The following ABLIM2 variants were observed in gnomAD, a reference collection of about 807,000 sequenced individuals.
ABLIM2 encodes the protein actin-binding LIM protein 2.
A neutral mutation model predicts 97.7 loss-of-function variants in ABLIM2; 53 were observed. The observed-to-expected ratio is 0.54, with a 90% CI of 0.44 to 0.68. The LOEUF (loss-of-function observed/expected upper bound fraction) is 0.68. ABLIM2 is among the 30% of genes least tolerant of loss of function. The probability of loss-of-function intolerance (pLI) is 0.00; values close to 1 mark genes in which losing one functional copy is unlikely to be tolerated. For synonymous variants in ABLIM2, 361 were observed against 345.8 expected (o/e 1.04, Z -0.49); for missense variants, 835 against 867.2 (o/e 0.96, Z 0.47).
intron 1 of ABLIM2, among the ~76,000 whole-genome samples, chr4:8,144,184 G>C (rs1359136016): frequency 1.3e-5 from 2 of 152,242 alleles, no homozygotes; most frequent in African/African-American, 2.4e-5. Flanking sequence ...GCACCCAGCA[G>C]AGCCTCAGCG....
chr4:8,006,280 C>T (rs1224651860), intron 16 of ABLIM2, among the ~76,000 whole-genome samples: 2 of 152,238 alleles, frequency 1.3e-5, no homozygotes, highest in African/African-American at 2.4e-5. Context: ...CACAGCACCC[C>T]CCTCTCTTAG....
In ABLIM2 at chr4:8,080,901, C is replaced by T. The variant is rs558588804; in HGVS notation, c.455-99G>A. Reference sequence around the variant, plus strand: ...ACTCCGTGAAGGCCCCTGGGGCAGCCGGGAGGGGCGGGACAGACCAGCAGC... The same window carrying T: ...ACTCCGTGAAGGCCCCTGGGGCAGCTGGGAGGGGCGGGACAGACCAGCAGC... On this transcript the variant is annotated intron_variant, in intron 4 of 20. Transcript: ENST00000447017. 7.0e-4 allele frequency: 1,002 copies of T among 1,434,126 alleles called. 1 individual carries two copies. Among genetic ancestry groups the T allele is most frequent in the Admixed American group, 1.0e-3 (46 of 45,698 alleles). 88.8% of individuals were successfully genotyped at this position (1,434,126 alleles called of 1,614,324 possible).
chr4:8,039,884 T>TTTTTTG (rs1553989749), intron 9 of ABLIM2, among the ~76,000 whole-genome samples: 2 of 142,990 alleles, frequency 1.4e-5, no homozygotes, highest in Non-Finnish European at 3.0e-5. Context: ...GTTTTTTTTT[T>TTTTTTG]TTTTTTTTTT....
intron 7 of ABLIM2, among the ~76,000 whole-genome samples, chr4:8,055,824 G>A (rs1798730489): frequency 6.6e-6 from 1 of 152,116 alleles, no homozygotes; most frequent in African/African-American, 2.4e-5. Flanking sequence ...GACCATAAAA[G>A]TAATAGGGCT....
rs1004778502 is a variant in ABLIM2, at chr4:8,046,015, C to T, written c.823-774G>A. Among the ~76,000 whole-genome samples the T allele has an allele frequency of 2.6e-5, 4 of 152,180 alleles. No homozygotes were observed. Among genetic ancestry groups the T allele is most frequent in the African/African-American group, 9.7e-5 (4 of 41,442 alleles). ...TTCTCAGCTCAAAGAGCACCTGCTC[C>T]CACCTGACACACAACTTAGAAATGG... On this transcript the variant is annotated intron_variant, in intron 8 of 20. Transcript: ENST00000447017. The surrounding 1 kb of genome is among the most constrained non-coding windows in gnomAD (Gnocchi z 4.4).
chr4:8,062,917 C>T (rs553292522), intron 6 of ABLIM2, among the ~76,000 whole-genome samples: 48 of 152,212 alleles, frequency 3.2e-4, no homozygotes, highest in Non-Finnish European at 5.6e-4. Context: ...ATCCAGGTGC[C>T]CCCACTTCAC....
rs989497302 is a variant in ABLIM2, at chr4:8,069,678, CTGTG to C, written c.675+7946_675+7949del. Among the ~76,000 whole-genome samples, 2 of 151,872 alleles carry C rather than the reference CTGTG, an allele frequency of 1.3e-5. No homozygotes were observed. Among genetic ancestry groups the C allele is most frequent in the Admixed American group, 6.6e-5 (1 of 15,254 alleles). ...TGTCTGTGTGCATTTCTGTGTGTCT[CTGTG>C]TGTGTTTGTGTGTTGTCTGTGTGTT... On this transcript the variant is annotated intron_variant, in intron 6 of 20. Transcript: ENST00000447017. The surrounding 1 kb of genome is among the most constrained non-coding windows in gnomAD (Gnocchi z 4.2).
At chr4:8,038,076 G>A (rs1275828722) in intron 9 of ABLIM2, among the ~76,000 whole-genome samples, 1 of 152,162 alleles carries the variant, frequency 6.6e-6, no homozygotes, top group Non-Finnish European at 1.5e-5. Flanking sequence ...GCTGCTTCTC[G>A]ATTCTGCCTC....
chr4:8,129,663 C>T (rs1262527770), intron 1 of ABLIM2, among the ~76,000 whole-genome samples: 4 of 152,168 alleles, frequency 2.6e-5, no homozygotes, highest in Admixed American at 6.5e-5. Flanking sequence ...AGTATATGCA[C>T]AGATGAGTCC....
intron 20 of ABLIM2, among the ~76,000 whole-genome samples, chr4:7,973,284 G>A (rs1729774736): frequency 6.6e-6 from 1 of 151,912 alleles, no homozygotes; most frequent in Non-Finnish European, 1.5e-5. Context: ...GCTGAGACGG[G>A]TAGATCAGGA....
intron 1 of ABLIM2, among the ~76,000 whole-genome samples, chr4:8,117,120 A>T (rs2176436): frequency 0.26 from 40,113 of 152,122 alleles, 5,536 homozygotes; most frequent in Non-Finnish European, 0.31. Flanking sequence ...AAGAAGGGAA[A>T]TGCCCTTCAA....
chr4:7,977,951 G>T (rs978344205), intron 20 of ABLIM2, among the ~76,000 whole-genome samples: 2 of 152,156 alleles, frequency 1.3e-5, no homozygotes, highest in Non-Finnish European at 1.5e-5. Context: ...GATTCAGTTA[G>T]CTCTGAGATG....
chr4:8,006,436 A>T (rs1761359576), intron 16 of ABLIM2, among the ~76,000 whole-genome samples: 1 of 152,254 alleles, frequency 6.6e-6, no homozygotes, highest in African/African-American at 2.4e-5. Context: ...CCACCTGGCA[A>T]GGGAAGAACT....
chr4:7,981,003 G>A (rs1299171094), intron 20 of ABLIM2, among the ~76,000 whole-genome samples: 2 of 136,230 alleles, frequency 1.5e-5, no homozygotes, highest in Non-Finnish European at 3.0e-5. Flanking sequence ...GAGTGCTGTG[G>A]CACGATCTCG....
At chr4:8,084,686 G>T (rs1447506601) in intron 4 of ABLIM2, among the ~76,000 whole-genome samples, 4 of 152,236 alleles carry the variant, frequency 2.6e-5, no homozygotes, top group African/African-American at 9.6e-5. Context: ...GGCCCAAGAA[G>T]TGGCTGTGGG....
At chr4:8,063,496 A>G (rs528898960) in intron 6 of ABLIM2, among the ~76,000 whole-genome samples, 57 of 152,206 alleles carry the variant, frequency 3.7e-4, no homozygotes, top group Admixed American at 9.2e-4. Context: ...CTATGGGTAT[A>G]TTATTACTCT....
chr4:8,007,628 C>G, intron 16 of ABLIM2: 1 of 993,384 alleles, frequency 1.0e-6, no homozygotes, highest in African/African-American at 1.7e-5. Context: ...GTGCCTCGTT[C>G]AGGATGAGTC....
At position 8,033,112 on chromosome 4, in the gene ABLIM2, G is replaced by A. The variant is rs553644037; in HGVS notation, c.1047+3037C>T. On this transcript the variant is annotated intron_variant, in intron 10 of 20. Transcript: ENST00000447017. The surrounding 1 kb of genome is among the most constrained non-coding windows in gnomAD (Gnocchi z 4.5). The stretch of plus-strand genomic sequence containing the variant: ...ACAGAGGGTGACCAGAAGCCTTTGG[G>A]TTGGAGACGGCTCTGCCGTGGGGGT... Among the ~76,000 whole-genome samples, 3 of 152,328 alleles carry A rather than the reference G, an allele frequency of 2.0e-5. No homozygotes were observed. Among genetic ancestry groups the A allele is most frequent in the Admixed American group, 2.0e-4 (3 of 15,302 alleles).
chr4:8,019,127 C>T lies in ABLIM2; in HGVS notation c.1423+491G>A, dbSNP rs1560658203. 6.6e-6 allele frequency among the ~76,000 whole-genome samples: 1 copy of T among 152,178 alleles called. No homozygotes were observed. Among genetic ancestry groups the T allele is most frequent in the South Asian group, 2.1e-4 (1 of 4,822 alleles). The stretch of plus-strand genomic sequence containing the variant: ...CCTATTTGCTTATGCAAGAAATCTC[C>T]GTAACGGAAGGCAAGGTCACCCATC... On this transcript the variant is annotated intron_variant, in intron 14 of 20. Transcript: ENST00000447017. This position sits in a 1 kb window ranked among gnomAD's most constrained non-coding sequence, Gnocchi z 4.3.
Sources: allele counts gnomAD v4.1 joint callset (sites outside exome capture counted in the v4.1 genomes callset), GRCh38; gene constraint gnomAD v4.1.1; non-coding constraint Gnocchi (gnomAD v3.1); transcripts MANE v1.5; gene names NCBI Gene and HGNC (gene_info 2026-07-23, HGNC 2026-07-21).